Variants in CNTNAP5 observed in about 807,000 individuals in gnomAD.
The protein encoded by CNTNAP5 is contactin-associated protein-like 5.
CNTNAP5 carries 72 observed loss-of-function variants against 150.2 expected under a neutral mutation model. The observed-to-expected ratio is 0.48, with a 90% CI of 0.40 to 0.58. The LOEUF is 0.58. CNTNAP5 is among the 20% of genes least tolerant of loss of function. CNTNAP5 has a pLI of 0.00. For missense variants in CNTNAP5, 1,636 were observed against 1,626.2 expected (o/e 1.01, Z -0.10); for synonymous variants, 672 against 619.8 (o/e 1.08, Z -1.25).
chr2:124,509,492 A>G (rs886751473), intron 8 of CNTNAP5, among the ~76,000 whole-genome samples: 2 of 152,148 alleles, frequency 1.3e-5, no homozygotes, highest in Non-Finnish European at 2.9e-5. Context: ...CCAGTTAGGC[A>G]TTGTGCTAGG....
At chr2:124,084,722 A>T (rs1326419763) in intron 1 of CNTNAP5, among the ~76,000 whole-genome samples, 2 of 152,070 alleles carry the variant, frequency 1.3e-5, no homozygotes, top group South Asian at 2.1e-4. Flanking sequence ...CATTAAATAC[A>T]AAAAAATACA....
intron 12 of CNTNAP5, among the ~76,000 whole-genome samples, chr2:124,617,149 A>G (rs547691130): frequency 3.9e-5 from 6 of 152,216 alleles, no homozygotes; most frequent in South Asian, 2.1e-4. Context: ...AAGTGAGCAC[A>G]CAATATTGGA....
chr2:124,213,726 T>TA (rs1553448159), intron 1 of CNTNAP5, among the ~76,000 whole-genome samples: 2 of 152,082 alleles, frequency 1.3e-5, no homozygotes, highest in East Asian at 1.9e-4. Flanking sequence ...CAGTCTGTTG[T>TA]AAAAAAATAT....
At chr2:124,818,164 C>T (rs1413325064) in intron 19 of CNTNAP5, among the ~76,000 whole-genome samples, 1 of 152,132 alleles carries the variant, frequency 6.6e-6, no homozygotes, top group Non-Finnish European at 1.5e-5. Flanking sequence ...ACACCAAGAC[C>T]CTCTTCAAAG....
intron 2 of CNTNAP5, among the ~76,000 whole-genome samples, chr2:124,236,659 T>C (rs1327257565): frequency 6.6e-6 from 1 of 152,224 alleles, no homozygotes; most frequent in Non-Finnish European, 1.5e-5. Flanking sequence ...GACCATTTAA[T>C]AATTAAAGAT....
chr2:124,188,810 G>T (rs1685395371), intron 1 of CNTNAP5, among the ~76,000 whole-genome samples: 1 of 151,762 alleles, frequency 6.6e-6, no homozygotes, highest in African/African-American at 2.4e-5. Context: ...AGAGACGGAG[G>T]GTTATCTCAG....
chr2:124,060,044 C>G (rs1681963461), intron 1 of CNTNAP5, among the ~76,000 whole-genome samples: 1 of 152,116 alleles, frequency 6.6e-6, no homozygotes. Flanking sequence ...GATGTTTTCT[C>G]TAGTTGGCTG....
At chr2:124,155,346 G>A (rs1005482516) in intron 1 of CNTNAP5, among the ~76,000 whole-genome samples, 4 of 151,748 alleles carry the variant, frequency 2.6e-5, no homozygotes, top group African/African-American at 9.7e-5. Context: ...ATTTTCATTT[G>A]CCAATACCAC....
At chr2:124,258,186 G>C (rs1463543951) in intron 3 of CNTNAP5, among the ~76,000 whole-genome samples, 1 of 152,142 alleles carries the variant, frequency 6.6e-6, no homozygotes, top group African/African-American at 2.4e-5. Flanking sequence ...CGATGGATGA[G>C]CTAACTTGGA....
intron 16 of CNTNAP5, among the ~76,000 whole-genome samples, chr2:124,767,613 TTCCTA>T (rs1681095193): frequency 6.6e-6 from 1 of 152,172 alleles, no homozygotes; most frequent in South Asian, 2.1e-4. Context: ...TTCTTCTCCC[TTCCTA>T]TGCTTATTTA....
At chr2:124,356,399 T>G (rs1690007424) in intron 3 of CNTNAP5, among the ~76,000 whole-genome samples, 1 of 150,876 alleles carries the variant, frequency 6.6e-6, no homozygotes, top group Non-Finnish European at 1.5e-5. Context: ...GCTGGTGCGC[T>G]GCACCCACTA....
At chr2:124,297,810 T>TTTATTATTA (rs138310065) in intron 3 of CNTNAP5, among the ~76,000 whole-genome samples, 2 of 126,390 alleles carry the variant, frequency 1.6e-5, no homozygotes, top group South Asian at 2.6e-4. Flanking sequence ...CATCCAATTA[T>TTTATTATTA]TTATTATTAT....
intron 3 of CNTNAP5, among the ~76,000 whole-genome samples, chr2:124,300,217 C>A (rs1335240060): frequency 1.3e-5 from 2 of 152,232 alleles, no homozygotes; most frequent in Non-Finnish European, 2.9e-5. Context: ...ATTACACTGA[C>A]TTCCGTAGCA....
chr2:124,812,062 A>G (rs1394641719), intron 19 of CNTNAP5, among the ~76,000 whole-genome samples: 1 of 59,754 alleles, frequency 1.7e-5, no homozygotes, highest in African/African-American at 7.0e-5. Flanking sequence ...TATATTATAT[A>G]ATATATAATT....
chr2:124,363,493 T>C (rs1237564105), intron 3 of CNTNAP5, among the ~76,000 whole-genome samples: 1 of 152,206 alleles, frequency 6.6e-6, no homozygotes, highest in Admixed American at 6.5e-5. Context: ...ATTCTTCCAA[T>C]AGTTCCCAAA....
chr2:124,534,635 G>C (rs149379201), intron 10 of CNTNAP5, among the ~76,000 whole-genome samples: 1 of 152,170 alleles, frequency 6.6e-6, no homozygotes, highest in African/African-American at 2.4e-5. Flanking sequence ...AGCATTTTGG[G>C]AGGCCAAGGC....
chr2:124,533,936 C>T (rs1031351578), intron 10 of CNTNAP5, among the ~76,000 whole-genome samples: 2 of 152,120 alleles, frequency 1.3e-5, no homozygotes, highest in Admixed American at 6.5e-5. Context: ...TCACAGCCTG[C>T]GGGTGGTGGT....
intron 3 of CNTNAP5, among the ~76,000 whole-genome samples, chr2:124,274,161 A>T (rs1273807731): frequency 6.6e-6 from 1 of 152,156 alleles, no homozygotes; most frequent in Admixed American, 6.5e-5. Context: ...TTGTATTAAG[A>T]TCTTTAAAAC....
At chr2:124,701,073 T>C (rs141613861) in intron 13 of CNTNAP5, among the ~76,000 whole-genome samples, 4 of 152,160 alleles carry the variant, frequency 2.6e-5, no homozygotes, top group Non-Finnish European at 4.4e-5. Context: ...TTATTACCTG[T>C]ATGGTCCTCA....
Sources: allele counts gnomAD v4.1 joint callset (sites outside exome capture counted in the v4.1 genomes callset), GRCh38; gene constraint gnomAD v4.1.1; transcripts MANE v1.5; gene names NCBI Gene and HGNC (gene_info 2026-07-23, HGNC 2026-07-21).